The following CATSPERE variants were observed in gnomAD, a reference collection of about 807,000 sequenced individuals.
CATSPERE encodes the protein catsper channel auxiliary subunit epsilon.
Under a neutral mutation model 114.1 loss-of-function variants are expected in CATSPERE, and 93 were observed. The observed-to-expected ratio is 0.81, with a 90% CI of 0.69 to 0.97. CATSPERE has a LOEUF of 0.97. Ranked by LOEUF, CATSPERE falls within the 50% of genes least tolerant of loss-of-function variation. The probability of loss-of-function intolerance (pLI) is 0.00; values close to 1 mark genes in which losing one functional copy is unlikely to be tolerated. For synonymous variants in CATSPERE, 341 were observed against 384.1 expected, an observed-to-expected ratio of 0.89 and a Z score of 1.31; for missense variants, 1,058 against 1,131.6, an observed-to-expected ratio of 0.93 and a Z score of 0.93.
At chr1:244,581,377 T>C (rs1666151012) in intron 11 of CATSPERE, among the ~76,000 whole-genome samples, 1 of 152,188 alleles carries the variant, frequency 6.6e-6, no homozygotes, top group South Asian at 2.1e-4. Context: ...TTACAATGAA[T>C]ATTTTAGTAT....
At chr1:244,535,188 A>G (rs1219135077) in intron 8 of CATSPERE, among the ~76,000 whole-genome samples, 4 of 152,184 alleles carry the variant, frequency 2.6e-5, no homozygotes, top group Middle Eastern at 3.2e-3. Context: ...GGACACTGCC[A>G]CTGGGACTGC....
chr1:244,492,117 C>A lies in CATSPERE; in HGVS notation c.351+1646C>A, dbSNP rs1368668661. On this transcript the variant is annotated intron_variant, in intron 6 of 21. Coordinates refer to ENST00000366534, the MANE Select transcript of CATSPERE (RefSeq NM_001130957.2). The stretch of plus-strand genomic sequence containing the variant: ...TATGAGGCCAGCATCATCCTGATAC[C>A]AAAGCCTGGCAGAGACACAACCAAA... Among the ~76,000 whole-genome samples, 5 of 151,948 alleles carry A rather than the reference C, an allele frequency of 3.3e-5. No individual in the cohort carries two copies. The East Asian group carries it at 9.6e-4, about 29-fold the overall frequency.
At chr1:244,451,458 C>T (rs1485377300), upstream of CATSPERE, among the ~76,000 whole-genome samples, 1 of 152,226 alleles carries the variant, frequency 6.6e-6, no homozygotes, top group African/African-American at 2.4e-5. The surrounding 1 kb of genome is among the most constrained non-coding windows in gnomAD (Gnocchi z 6.6). Flanking sequence ...GTCAGGGGTC[C>T]CCGACCTCCC....
At chr1:244,463,595 C>T (rs1386260128) in intron 1 of CATSPERE, among the ~76,000 whole-genome samples, 1 of 147,722 alleles carries the variant, frequency 6.8e-6, no homozygotes, top group Non-Finnish European at 1.5e-5. Context: ...TACTTTAACT[C>T]TTTATAAGTG....
rs1188991262 is a variant in CATSPERE at position 244,572,342 on chromosome 1, A to G, written c.1520A>G (p.Asp507Gly). 3.5e-6 allele frequency: 5 copies of G among 1,415,794 alleles called. No homozygotes were observed. Among genetic ancestry groups the G allele is most frequent in the Non-Finnish European group, 4.9e-6 (5 of 1,020,810 alleles). The allele number at this position is 1,415,794 out of a possible 1,614,324, so 87.7% of individuals were successfully genotyped here. A position where few individuals can be genotyped will look rare whatever the true frequency, so the allele number is the denominator to read the frequency against. ...IHEVFIDYYG[D>G]ILVKMENNVI... ...CTCTTTTTTCCAGATTATTATGGAGATATTTTGGTAAAAATGGAAAATAAT... is the reference window on the plus strand; with the variant it reads ...CTCTTTTTTCCAGATTATTATGGAGGTATTTTGGTAAAAATGGAAAATAAT... The change falls in exon 11 of 22, where the codon GAT (aspartate) becomes GGT (glycine). Residue 507 changes from aspartate to glycine, a missense_variant. Asp to Gly is a moderately conservative substitution (Grantham distance 94). Around this residue, in one of 2 missense-constraint regions of CATSPERE, gnomAD observed 787 missense variants for 905.6 expected, o/e 0.87. Transcript: ENST00000366534.
chr1:244,475,200 C>T (rs1342089531), intron 2 of CATSPERE, among the ~76,000 whole-genome samples: 1 of 150,768 alleles, frequency 6.6e-6, no homozygotes. Context: ...TCATCTTACA[C>T]TGAAAACAGA....
At chr1:244,555,697 C>CA (rs1281651145) in intron 9 of CATSPERE, among the ~76,000 whole-genome samples, 1 of 152,056 alleles carries the variant, frequency 6.6e-6, no homozygotes. Flanking sequence ...AAAGACTCCA[C>CA]AAAAAATTTC....
intron 8 of CATSPERE, among the ~76,000 whole-genome samples, chr1:244,533,567 A>C (rs1355902003): frequency 6.6e-6 from 1 of 152,064 alleles, no homozygotes; most frequent in African/African-American, 2.4e-5. Flanking sequence ...CTTGCAAATA[A>C]TTATAGCCCA....
chr1:244,495,744 A>G (rs369861916), intron 6 of CATSPERE, among the ~76,000 whole-genome samples: 2 of 152,138 alleles, frequency 1.3e-5, no homozygotes, highest in Admixed American at 6.5e-5. Context: ...ATAATAAAAT[A>G]TTTAAAATGT....
rs758441319 is a variant in CATSPERE at position 244,552,476 on chromosome 1, A to G, written c.691A>G (p.Ile231Val). ...ACCTGAAATTCCTGGTTATTTACCAATCTCCTCACCACGTGGTAGTCAATT... is the reference window on the plus strand; with the variant it reads ...ACCTGAAATTCCTGGTTATTTACCAGTCTCCTCACCACGTGGTAGTCAATT... ...TIPEIPGYLPISSPRGSQLMA... is the reference protein window; with the variant it reads ...TIPEIPGYLPVSSPRGSQLMA... Residue 231 changes from isoleucine to valine, a missense_variant, in exon 9 of 22, where the codon ATC becomes GTC. Around this residue, in one of 2 missense-constraint regions of CATSPERE, gnomAD observed 787 missense variants for 905.6 expected, o/e 0.87. Transcript: ENST00000366534. The G allele has an allele frequency of 1.2e-5, 20 of 1,614,074 alleles. No homozygotes were observed. The highest frequency in any genetic ancestry group is 6.6e-5 in the South Asian group (6 of 91,092).
chr1:244,634,180 G>A (rs1446742599), intron 20 of CATSPERE, among the ~76,000 whole-genome samples: 1 of 152,012 alleles, frequency 6.6e-6, no homozygotes, highest in Non-Finnish European at 1.5e-5. Flanking sequence ...TTATAACATA[G>A]TATCTTGTAT....
At chr1:244,493,027 A>G (rs1473257815) in intron 6 of CATSPERE, among the ~76,000 whole-genome samples, 1 of 150,874 alleles carries the variant, frequency 6.6e-6, no homozygotes, top group Non-Finnish European at 1.5e-5. Context: ...TGCCCAAGGT[A>G]ATTTACAGAT....
In CATSPERE at chr1:244,593,441, T is replaced by C; in HGVS notation, c.2223+13T>C. ...ATCGAAAAACTTGGTAAGAAAATGA[T>C]AAAATTCTGTCAATGGACCAAATAT... On this transcript the variant is annotated intron_variant, in intron 16 of 21. Transcript: ENST00000366534. 3 of 1,613,656 alleles carry C rather than the reference T, an allele frequency of 1.9e-6. No individual in the cohort carries two copies. Among genetic ancestry groups the C allele is most frequent in the Non-Finnish European group, 2.5e-6 (3 of 1,179,888 alleles).
At chr1:244,473,124 C>A (rs969971223) in intron 2 of CATSPERE, among the ~76,000 whole-genome samples, 11 of 152,108 alleles carry the variant, frequency 7.2e-5, no homozygotes, top group African/African-American at 2.7e-4. Flanking sequence ...TGGGTGAATA[C>A]CAAAAGTGCA....
At chr1:244,483,318 A>C (rs1470927746) in intron 5 of CATSPERE, among the ~76,000 whole-genome samples, 1 of 152,196 alleles carries the variant, frequency 6.6e-6, no homozygotes, top group East Asian at 1.9e-4. Flanking sequence ...AATGCATATA[A>C]ATGAAGGTTT....
intron 6 of CATSPERE, among the ~76,000 whole-genome samples, chr1:244,490,769 T>C (rs969291897): frequency 1.3e-5 from 2 of 152,120 alleles, no homozygotes; most frequent in Non-Finnish European, 2.9e-5. Context: ...AATACAAATA[T>C]TAAAGATAGT....
chr1:244,573,602 C>T lies in CATSPERE; in HGVS notation c.1950+830C>T, dbSNP rs1664802211. 6.6e-6 allele frequency among the ~76,000 whole-genome samples: 1 copy of T among 152,156 alleles called. No homozygotes were observed. Among genetic ancestry groups the T allele is most frequent in the Admixed American group, 6.5e-5 (1 of 15,280 alleles). On this transcript the variant is annotated intron_variant, in intron 11 of 21. Coordinates refer to ENST00000366534, the MANE Select transcript of CATSPERE (RefSeq NM_001130957.2). This position sits in a 1 kb window ranked among gnomAD's most constrained non-coding sequence, Gnocchi z 4.0. The stretch of plus-strand genomic sequence containing the variant: ...TTAATCTAAGGGGCCTCAGCTGGAA[C>T]ACTTGCCTCTGCTGGATAACCCAGG...
intron 20 of CATSPERE, among the ~76,000 whole-genome samples, chr1:244,624,889 C>G (rs1438344602): frequency 1.3e-5 from 2 of 152,098 alleles, no homozygotes; most frequent in Non-Finnish European, 2.9e-5. Context: ...GACATTGTGG[C>G]AATTCAGTTC....
chr1:244,489,025 C>T (rs961693246), intron 5 of CATSPERE, among the ~76,000 whole-genome samples: 1 of 152,152 alleles, frequency 6.6e-6, no homozygotes. Flanking sequence ...GAGGCACTGA[C>T]TTTTAGAGAT....
Sources: gnomAD v4.1 joint callset for allele counts (sites outside exome capture counted in the v4.1 genomes callset) on GRCh38, gnomAD v4.1.1 for gene constraint, gnomAD v4.1.1 regional missense constraint, Gnocchi (gnomAD v3.1) non-coding constraint, MANE v1.5 for transcripts, NCBI Gene and HGNC (gene_info 2026-07-23, HGNC 2026-07-21) for gene names.